The following CNNM2 variants were observed in gnomAD, a reference collection of about 807,000 sequenced individuals.
CNNM2 encodes cyclin and CBS domain divalent metal cation transport mediator 2.
In CNNM2, 12 loss-of-function variants were observed where a neutral mutation model predicts 66.9. The ratio of observed to expected loss-of-function variants is 0.18; its 90% CI spans 0.11 to 0.29. The LOEUF is 0.29. Among genes scored for constraint, CNNM2 ranks in the 10% least tolerant of loss-of-function variants. CNNM2 has a pLI of 1.00. For synonymous variants in CNNM2, 557 were observed against 501.8 expected (o/e 1.11, Z -1.47); for missense variants, 705 against 1,167.7 (o/e 0.60, Z 5.77).
chr10:102,985,492 T>C (rs1469817992), intron 1 of CNNM2, among the ~76,000 whole-genome samples: 1 of 152,178 alleles, frequency 6.6e-6, no homozygotes, highest in South Asian at 2.1e-4. Context: ...TTATGGTCCC[T>C]TTCTTCCAAG....
At position 103,087,095 on chromosome 10, in the gene CNNM2, AAAG is replaced by A. The variant is rs972159740; in HGVS notation, c.*9919_*9921del. ...CAAAATGCCTGGGAAAAAATTCTCAAAAGAAGTGGCAGAATGGTCTTCTCACGG... is the reference window on the plus strand; with the variant it reads ...CAAAATGCCTGGGAAAAAATTCTCAAAAGTGGCAGAATGGTCTTCTCACGG... On this transcript the variant is annotated 3_prime_UTR_variant, in exon 8 of 8. Transcript: ENST00000369878. 1 of 148,306 alleles carries A rather than the reference AAAG, an allele frequency of 6.7e-6. No homozygotes were observed. The highest frequency in any genetic ancestry group is 2.5e-5 in the African/African-American group (1 of 40,482). 9.2% of individuals were successfully genotyped at this position (148,306 alleles called of 1,614,324 possible).
At position 103,083,917 on chromosome 10, in the gene CNNM2, A is replaced by G. The variant is rs2065779743; in HGVS notation, c.*6737A>G. The G allele has an allele frequency of 6.6e-6, 1 of 152,268 alleles. No individual in the cohort carries two copies. 9.4% of individuals were successfully genotyped at this position (152,268 alleles called of 1,614,324 possible). On this transcript the variant is annotated 3_prime_UTR_variant, in exon 8 of 8. Transcript: ENST00000369878. ...GGCATGGATAGTCACTTTCAAGTGG[A>G]AAACATCCGGCCTGAGTGTGGCGAG...
rs574483645 is a variant in CNNM2 at position 102,918,388 on chromosome 10, G to T, written c.-93G>T. On this transcript the variant is annotated 5_prime_UTR_variant, in exon 1 of 8. Transcript: ENST00000369878. The surrounding 1 kb of genome is among the most constrained non-coding windows in gnomAD (Gnocchi z 4.1). ...GGAGGCGAACTGCTGAGCACTGGCC[G>T]CGGACGCTCCGTTGCAGTCTCGCCC... 3.3e-6 allele frequency: 5 copies of T among 1,526,094 alleles called. No homozygotes were observed. Among genetic ancestry groups the T allele is most frequent in the Non-Finnish European group, 4.4e-6 (5 of 1,143,966 alleles). The allele number at this position is 1,526,094 out of a possible 1,614,324, so 94.5% of individuals were successfully genotyped here.
chr10:102,990,016 C>T (rs1182629753), intron 1 of CNNM2, among the ~76,000 whole-genome samples: 3 of 150,598 alleles, frequency 2.0e-5, no homozygotes, highest in Non-Finnish European at 4.4e-5. Flanking sequence ...GCAATCTCGT[C>T]TCACTGCAAC....
At chr10:103,000,720 C>T (rs1021150474) in intron 1 of CNNM2, among the ~76,000 whole-genome samples, 10 of 152,144 alleles carry the variant, frequency 6.6e-5, no homozygotes, top group African/African-American at 2.4e-4. Context: ...GCTGGGATTA[C>T]AGGTATGTAC....
chr10:103,089,924 C>A lies in CNNM2; in HGVS notation c.*12744C>A. ...CATGAGGCATCTAGACAGAAAAAAG[C>A]TAGAGGCTCAGAAAGCAGGCAGAGC... On this transcript the variant is annotated 3_prime_UTR_variant, in exon 8 of 8. Transcript: ENST00000369878. The A allele has an allele frequency of 6.4e-7, 1 of 1,567,436 alleles. No homozygotes were observed. Among genetic ancestry groups the A allele is most frequent in the Non-Finnish European group, 8.7e-7 (1 of 1,155,652 alleles).
At chr10:103,021,401 C>T (rs943336359) in intron 1 of CNNM2, among the ~76,000 whole-genome samples, 4 of 152,110 alleles carry the variant, frequency 2.6e-5, no homozygotes, top group Non-Finnish European at 4.4e-5. Context: ...AGGAGACCAC[C>T]AAGGCTGCTG....
chr10:102,953,583 G>A (rs1846921141), intron 1 of CNNM2, among the ~76,000 whole-genome samples: 1 of 145,936 alleles, frequency 6.9e-6, no homozygotes, highest in Non-Finnish European at 1.5e-5. Context: ...TTTTAAAGAT[G>A]AGATCTCATT....
chr10:103,045,100 A>G (rs552804282), intron 1 of CNNM2, among the ~76,000 whole-genome samples: 1 of 152,342 alleles, frequency 6.6e-6, no homozygotes, highest in Non-Finnish European at 1.5e-5. Context: ...TAGCAAAAGA[A>G]TTTAACTTTC....
At chr10:103,059,119 G>A (rs1010487201) in intron 4 of CNNM2, among the ~76,000 whole-genome samples, 3 of 152,018 alleles carry the variant, frequency 2.0e-5, no homozygotes, top group East Asian at 1.9e-4. Flanking sequence ...GACTACAGGC[G>A]TGCTCCACCA....
chr10:103,010,365 A>G (rs1236835623), intron 1 of CNNM2, among the ~76,000 whole-genome samples: 3 of 151,458 alleles, frequency 2.0e-5, no homozygotes, highest in Non-Finnish European at 4.4e-5. Context: ...AGCCTCCCAG[A>G]TAGCTGGGAC....
chr10:102,923,360 A>G (rs1845727901), intron 1 of CNNM2, among the ~76,000 whole-genome samples: 1 of 152,232 alleles, frequency 6.6e-6, no homozygotes, highest in Non-Finnish European at 1.5e-5. Context: ...TAAATCTCAA[A>G]TGGCTGAATG....
Position 103,014,209 on chromosome 10 carries a change from C to A in CNNM2, c.1622-35498C>A, listed in dbSNP as rs1429708566. 2.6e-5 allele frequency among the ~76,000 whole-genome samples: 4 copies of A among 152,306 alleles called. No homozygotes were observed. The East Asian group carries it at 7.7e-4, about 29-fold the overall frequency. ...AATTGCATGCCTATTGGGTACCAGG[C>A]AGCATGCTAAATGTTAGGCATGTAA... is the stretch of plus-strand genomic sequence containing the variant. On this transcript the variant is annotated intron_variant, in intron 1 of 7. Coordinates refer to ENST00000369878, the MANE Select transcript of CNNM2 (RefSeq NM_017649.5).
intron 1 of CNNM2, among the ~76,000 whole-genome samples, chr10:102,922,726 A>C (rs1348375681): frequency 5.9e-5 from 9 of 152,224 alleles, no homozygotes. Context: ...AGATGGCTTG[A>C]GCCCAAGAGT....
rs146012423 is a variant in CNNM2 at position 102,979,846 on chromosome 10, C to T, written c.1621+59745C>T. On this transcript the variant is annotated intron_variant, in intron 1 of 7. Coordinates refer to ENST00000369878, the MANE Select transcript of CNNM2 (RefSeq NM_017649.5). Reference sequence around the variant, plus strand: ...AAAGACACAGGGCTTAAAATAGCAACTCCTTATCTCATTCTAATTCCTACT... The same window carrying T: ...AAAGACACAGGGCTTAAAATAGCAATTCCTTATCTCATTCTAATTCCTACT... Among the ~76,000 whole-genome samples the T allele has an allele frequency of 7.3e-4, 111 of 152,084 alleles. 1 individual carries two copies. The highest frequency in any genetic ancestry group is 2.6e-3 in the African/African-American group (108 of 41,504).
chr10:102,983,667 T>C (rs1255399699), intron 1 of CNNM2, among the ~76,000 whole-genome samples: 2 of 151,914 alleles, frequency 1.3e-5, no homozygotes, highest in Admixed American at 1.3e-4. Context: ...TCTTGAACTC[T>C]TGGGCTCAAG....
At chr10:102,929,974 T>G (rs1250144044) in intron 1 of CNNM2, among the ~76,000 whole-genome samples, 2 of 152,240 alleles carry the variant, frequency 1.3e-5, no homozygotes, top group Non-Finnish European at 2.9e-5. Flanking sequence ...ATAATGATTT[T>G]GGAAGGCAAC....
chr10:103,028,040 A>G (rs980627957), intron 1 of CNNM2, among the ~76,000 whole-genome samples: 1 of 152,150 alleles, frequency 6.6e-6, no homozygotes, highest in African/African-American at 2.4e-5. Context: ...GTCCTGTCAC[A>G]TATTTGAGCT....
chr10:103,067,078 C>T (rs922727938), intron 4 of CNNM2, among the ~76,000 whole-genome samples: 1 of 151,634 alleles, frequency 6.6e-6, no homozygotes, highest in Non-Finnish European at 1.5e-5. Context: ...TGATAGTTTG[C>T]ATCAGGTGGC....
Sources: gnomAD v4.1 joint callset for allele counts (sites outside exome capture counted in the v4.1 genomes callset) on GRCh38, gnomAD v4.1.1 for gene constraint, Gnocchi (gnomAD v3.1) non-coding constraint, MANE v1.5 for transcripts, NCBI Gene and HGNC (gene_info 2026-07-23, HGNC 2026-07-21) for gene names.